Variants in HELZ observed in about 807,000 individuals in gnomAD.
HELZ encodes the protein helicase with zinc finger.
HELZ carries 23 observed loss-of-function variants against 218.2 expected under a neutral mutation model. That is an observed-to-expected ratio of 0.11 (90% CI 0.08 to 0.15). The LOEUF is 0.15. Among genes scored for constraint, HELZ ranks in the 10% least tolerant of loss-of-function variants. HELZ has a pLI of 1.00. For missense variants in HELZ, 1,813 were observed against 2,353.7 expected, an observed-to-expected ratio of 0.77 and a Z score of 4.75; for synonymous variants, 814 against 829.4, an observed-to-expected ratio of 0.98 and a Z score of 0.32.
At chr17:67,223,671 G>A (rs910582385) in intron 3 of HELZ, among the ~76,000 whole-genome samples, 1 of 152,204 alleles carries the variant, frequency 6.6e-6, no homozygotes, top group East Asian at 1.9e-4. Flanking sequence ...AGAATCACTT[G>A]AACCCAGGAG....
chr17:67,194,972 AG>A (rs1168577462), intron 8 of HELZ, among the ~76,000 whole-genome samples: 1 of 152,208 alleles, frequency 6.6e-6, no homozygotes, highest in African/African-American at 2.4e-5. Flanking sequence ...AGCATTCAGC[AG>A]GCACTCAATG....
chr17:67,150,130 CTTTTTTT>C (rs11408678), intron 18 of HELZ, 145 bp from the exon 19 acceptor site: 59 of 180,046 alleles, frequency 3.3e-4, no homozygotes, highest in Middle Eastern at 2.4e-3. Context: ...TATTTTCTTT[CTTTTTTT>C]TTTTTTTTTT....
At chr17:67,080,986 C>T (rs2143533909) in intron 32 of HELZ, among the ~76,000 whole-genome samples, 1 of 152,288 alleles carries the variant, frequency 6.6e-6, no homozygotes, top group Admixed American at 6.5e-5. Flanking sequence ...ACTACATTTC[C>T]CAGCTTCCCT....
At position 67,076,105 on chromosome 17, in the gene HELZ, A is replaced by C. The variant is rs1196561960; in HGVS notation, c.*2147T>G. 1 of 152,574 alleles carries C rather than the reference A, an allele frequency of 6.6e-6. No individual in the cohort carries two copies. Among genetic ancestry groups the C allele is most frequent in the East Asian group, 1.9e-4 (1 of 5,202 alleles). The allele number at this position is 152,574 out of a possible 1,614,324, so 9.5% of individuals were successfully genotyped here. ...GGGGTCAACTGAAAGCCCTGACTTG[A>C]CAATTCTGTCTTCATATTATCAGAT... On this transcript the variant is annotated 3_prime_UTR_variant, in exon 33 of 33. Coordinates refer to ENST00000358691, the MANE Select transcript of HELZ (RefSeq NM_014877.4).
At chr17:67,224,085 G>A (rs894221382) in intron 3 of HELZ, among the ~76,000 whole-genome samples, 1 of 152,188 alleles carries the variant, frequency 6.6e-6, no homozygotes, top group Admixed American at 6.5e-5. Context: ...AACTCCACCA[G>A]GGATGTGGGG....
intron 21 of HELZ, among the ~76,000 whole-genome samples, chr17:67,143,449 T>C (rs1345757750): frequency 6.6e-6 from 1 of 151,904 alleles, no homozygotes; most frequent in Non-Finnish European, 1.5e-5. Flanking sequence ...CTCTACAAAA[T>C]ACATTTTTTA....
intron 28 of HELZ, among the ~76,000 whole-genome samples, chr17:67,113,941 T>A (rs538258745): frequency 4.6e-5 from 7 of 152,212 alleles, no homozygotes; most frequent in African/African-American, 1.7e-4. Flanking sequence ...AAGGGCTTAG[T>A]GGGTATGATG....
chr17:67,211,892 G>A (rs1399413884), intron 5 of HELZ, among the ~76,000 whole-genome samples: 6 of 151,950 alleles, frequency 3.9e-5, no homozygotes, highest in South Asian at 2.1e-4. Context: ...GAAGGGGGAA[G>A]GTAAGGGAAG....
chr17:67,208,969 G>C (rs1379540124), intron 5 of HELZ, among the ~76,000 whole-genome samples: 1 of 128,438 alleles, frequency 7.8e-6, no homozygotes, highest in African/African-American at 2.8e-5. Context: ...AAAGAAAAGA[G>C]AAGAGAAGAG....
chr17:67,185,950 A>G (rs1446686237), intron 12 of HELZ, among the ~76,000 whole-genome samples: 1 of 152,188 alleles, frequency 6.6e-6, no homozygotes, highest in Non-Finnish European at 1.5e-5. Context: ...CTAATATGTT[A>G]GAAATATCAG....
intron 9 of HELZ, among the ~76,000 whole-genome samples, chr17:67,193,400 C>T (rs2039947677): frequency 1.3e-5 from 2 of 150,712 alleles, no homozygotes; most frequent in Admixed American, 1.3e-4. Flanking sequence ...TAAGTTCAGC[C>T]ATAATAATAC....
intron 3 of HELZ, among the ~76,000 whole-genome samples, chr17:67,234,678 T>C (rs999314182): frequency 6.6e-6 from 1 of 150,924 alleles, no homozygotes; most frequent in African/African-American, 2.4e-5. Flanking sequence ...TTATAAAAAA[T>C]AAAAATAACA....
intron 3 of HELZ, among the ~76,000 whole-genome samples, chr17:67,228,048 T>A (rs1598463469): frequency 6.7e-6 from 1 of 148,946 alleles, no homozygotes; most frequent in Non-Finnish European, 1.5e-5. Context: ...AGAAAAAAAA[T>A]ATGTATCTAC....
At chr17:67,124,463 T>C (rs980705402) in intron 24 of HELZ, among the ~76,000 whole-genome samples, 3 of 152,130 alleles carry the variant, frequency 2.0e-5, no homozygotes, top group Non-Finnish European at 2.9e-5. Flanking sequence ...AAATATGGCT[T>C]AGGATTTATG....
At chr17:67,207,672 C>T (rs979050833) in intron 5 of HELZ, among the ~76,000 whole-genome samples, 5 of 152,124 alleles carry the variant, frequency 3.3e-5, no homozygotes, top group African/African-American at 4.8e-5. Flanking sequence ...TATAAAATCA[C>T]TCACTGCTTA....
intron 3 of HELZ, among the ~76,000 whole-genome samples, chr17:67,232,905 A>G (rs2041074973): frequency 6.6e-6 from 1 of 152,192 alleles, no homozygotes; most frequent in Non-Finnish European, 1.5e-5. Context: ...AGGCCAAGGT[A>G]GGTGGATCAC....
chr17:67,114,432 G>GT, intron 27 of HELZ, 29 bp from the exon 28 acceptor site: 1 of 1,304,732 alleles, frequency 7.7e-7, no homozygotes, highest in Non-Finnish European at 1.1e-6. Flanking sequence ...ATCCTTATAA[G>GT]TTTTCTCCAG....
intron 24 of HELZ, 147 bp from the exon 25 acceptor site, chr17:67,124,161 TG>T (rs2037709181): frequency 5.8e-6 from 3 of 518,898 alleles, no homozygotes; most frequent in Non-Finnish European, 6.8e-6. Context: ...ACCATTAGAC[TG>T]CTTTGAGCCA....
chr17:67,218,502 T>C (rs1203108999), intron 4 of HELZ, 93 bp downstream of exon 4: 7 of 955,882 alleles, frequency 7.3e-6, no homozygotes, highest in South Asian at 4.1e-5. Flanking sequence ...TCACATCTCT[T>C]TGGCCCAGAA....
Sources: gnomAD v4.1 joint callset for allele counts (sites outside exome capture counted in the v4.1 genomes callset) on GRCh38, gnomAD v4.1.1 for gene constraint, MANE v1.5 for transcripts, NCBI Gene and HGNC (gene_info 2026-07-23, HGNC 2026-07-21) for gene names.